The following OXER1 variants were observed in gnomAD, a reference collection of about 807,000 sequenced individuals.
OXER1 encodes oxoeicosanoid receptor 1.
For synonymous variants in OXER1, 258 were observed against 245.8 expected (o/e 1.05, Z -0.47); for missense variants, 587 against 551.7 (o/e 1.06, Z -0.64).
chr2:42,762,651 A>T (rs1670494891), exon 1 of OXER1: 1 of 504,958 alleles, frequency 2.0e-6, no homozygotes, highest in South Asian at 2.9e-5. Context: ...TGGTGTGCCA[A>T]CGGCACCTTG....
In OXER1 at chr2:42,763,234, T is replaced by C. The variant is rs17029947; in HGVS notation, c.946A>G (p.Met316Val). 42 of 1,611,434 alleles carry C rather than the reference T, an allele frequency of 2.6e-5. No homozygotes were observed. The highest frequency in any genetic ancestry group is 3.4e-5 in the Admixed American group (2 of 59,482). The change falls in exon 1 of 1, where the codon ATG (methionine) becomes GTG (valine). Residue 316 changes from methionine (M) to valine (V), a missense_variant. Met to Val is a conservative substitution (Grantham distance 21, BLOSUM62 1). Coordinates refer to ENST00000378661, the Ensembl canonical transcript of OXER1. The surrounding 1 kb of genome is among the most constrained non-coding windows in gnomAD (Gnocchi z 4.4). ...AGCCAGAAAGCCACCATGGAAGCCATGCCAAAGATGATGCTGGGCAAGAAG... is the reference window on the plus strand; with the variant it reads ...AGCCAGAAAGCCACCATGGAAGCCACGCCAAAGATGATGCTGGGCAAGAAG...
Position 42,762,630 on chromosome 2 carries a change from CCT to C in OXER1, c.*276_*277del, listed in dbSNP as rs1670494253. On this transcript the variant is annotated 3_prime_UTR_variant, in exon 1 of 1. Coordinates refer to ENST00000378661, the Ensembl canonical transcript of OXER1. ...TCTGTCCCCTGCAGCTGCGCAGGCC[CCT>C]GTCTGAGCTGGTGTGCCAACGGCAC... The C allele has an allele frequency of 8.2e-5, 39 of 472,794 alleles. No homozygotes were observed. In the South Asian group the frequency reaches 1.3e-3, roughly 15 times the overall value. The allele number at this position is 472,794 out of a possible 1,614,324, so 29.3% of individuals were successfully genotyped here. A position where few individuals can be genotyped will look rare whatever the true frequency, so the allele number is the denominator to read the frequency against.
chr2:42,763,966 A>G lies in OXER1; in HGVS notation c.214T>C (p.Phe72Leu). The G allele has an allele frequency of 6.2e-7, 1 of 1,613,792 alleles. No homozygotes were observed. The highest frequency in any genetic ancestry group is 8.5e-7 in the Non-Finnish European group (1 of 1,179,950). The change falls in exon 1 of 1, where the codon TTT becomes CTT. Residue 72 changes from phenylalanine (F) to leucine (L), a missense_variant. Coordinates refer to ENST00000378661, the Ensembl canonical transcript of OXER1. This position sits in a 1 kb window ranked among gnomAD's most constrained non-coding sequence, Gnocchi z 4.4. ...CCAGAGGACCCCCCCACAGTGGTAA[A>G]GGCAGAGGGAGCAGAGGAGGGTGAG...
rs554325300 is a variant in OXER1 at position 42,763,123 on chromosome 2, C to T, written c.1057G>A (p.Val353Met). 1.3e-4 allele frequency: 215 copies of T among 1,614,150 alleles called. 1 individual carries two copies. Among genetic ancestry groups the T allele is most frequent in the South Asian group, 9.2e-4 (84 of 91,084 alleles). Residue 353 changes from valine (V) to methionine (M), a missense_variant, in exon 1 of 1, where the codon GTG (valine) becomes ATG (methionine). By Grantham distance (21) the Val-to-Met change is conservative. Coordinates refer to ENST00000378661, the Ensembl canonical transcript of OXER1. This position sits in a 1 kb window ranked among gnomAD's most constrained non-coding sequence, Gnocchi z 4.4. Reference sequence around the variant, plus strand: ...TTGGGGCTAGAGAAGCAGTAGAGCACGGGGTCCAGGACACTGTTGAGGTAG... The same window carrying T: ...TTGGGGCTAGAGAAGCAGTAGAGCATGGGGTCCAGGACACTGTTGAGGTAG...
exon 1 of OXER1, chr2:42,764,123 C>A (rs1670570184): frequency 1.2e-6 from 2 of 1,613,912 alleles, no homozygotes; most frequent in Non-Finnish European, 1.7e-6. Flanking sequence ...TGCAGGAGTG[C>A]TCAGGGCAAA....
At chr2:42,764,003 G>A (rs1282482895) in exon 1 of OXER1, 1 of 1,613,728 alleles carries the variant, frequency 6.2e-7, no homozygotes, top group Non-Finnish European at 8.5e-7. Flanking sequence ...GAGAGAAGGA[G>A]GGAGGGAGAA....
chr2:42,762,888 T>G, exon 1 of OXER1: 1 of 1,599,938 alleles, frequency 6.3e-7, no homozygotes, highest in Non-Finnish European at 8.5e-7. Flanking sequence ...CCCACAGCGC[T>G]GCAGCCCTGC....
chr2:42,763,017 G>T lies in OXER1; in HGVS notation c.1163C>A (p.Pro388His). 6.2e-7 allele frequency: 1 copy of T among 1,614,084 alleles called. No individual in the cohort carries two copies. Among genetic ancestry groups the T allele is most frequent in the South Asian group, 1.1e-5 (1 of 91,088 alleles). ...CTCCCGGTAGCGCCACTGCCTGGAG[G>T]GTTGGTAGGAGCTCTCGTCGCTCAC... Residue 388 changes from proline (P) to histidine (H), a missense_variant, in exon 1 of 1, where the codon CCC becomes CAC. By Grantham distance (77) the Pro-to-His change is moderately conservative (BLOSUM62 -2). Coordinates refer to ENST00000378661, the Ensembl canonical transcript of OXER1. The surrounding 1 kb of genome is among the most constrained non-coding windows in gnomAD (Gnocchi z 4.4).
At position 42,763,849 on chromosome 2, in the gene OXER1, T is replaced by G; in HGVS notation, c.331A>C (p.Ser111Arg). 1.2e-6 allele frequency: 2 copies of G among 1,613,874 alleles called. No homozygotes were observed. The highest frequency in any genetic ancestry group is 1.7e-6 in the Non-Finnish European group (2 of 1,180,006). ...ATGCAGAAGATGAAGAGGGCCAAAC[T>G]GTTCCCCACCAGGCCCAGGACAAAC... The change falls in exon 1 of 1, where the codon AGT (serine) becomes CGT (arginine). Residue 111 changes from serine to arginine, a missense_variant. By Grantham distance (110) the Ser-to-Arg change is moderately radical. Coordinates refer to ENST00000378661, the Ensembl canonical transcript of OXER1. This position sits in a 1 kb window ranked among gnomAD's most constrained non-coding sequence, Gnocchi z 4.4.
Position 42,764,097 on chromosome 2 carries a change from T to C in OXER1, c.83A>G (p.Gln28Arg). ...GGGCCATGGGCCTGAGAGAAGGTTC[T>C]GGAGTCTTCTACCCCTGCAGGAGTG... Residue 28 changes from glutamine (Q) to arginine (R), a missense_variant, in exon 1 of 1, where the codon CAG (glutamine) becomes CGG (arginine). Coordinates refer to ENST00000378661, the Ensembl canonical transcript of OXER1. 1 of 1,614,088 alleles carries C rather than the reference T, an allele frequency of 6.2e-7. No individual in the cohort carries two copies. The highest frequency in any genetic ancestry group is 2.2e-5 in the East Asian group (1 of 44,884).
exon 1 of OXER1, chr2:42,762,785 C>T (rs996735948): frequency 2.5e-6 from 3 of 1,191,160 alleles, no homozygotes; most frequent in African/African-American, 3.1e-5. Flanking sequence ...GTGCTTTGGC[C>T]TGGCCCCTGG....
chr2:42,762,983 C>T (rs142162926), exon 1 of OXER1: 80 of 1,613,822 alleles, frequency 5.0e-5, no homozygotes, highest in Non-Finnish European at 6.7e-5. Context: ...CCTCCGCCTT[C>T]CTAGAGGCCT....
chr2:42,763,230 G>A lies in OXER1; in HGVS notation c.950C>T (p.Ala317Val). ...GGACAGCCAGAAAGCCACCATGGAA[G>A]CCATGCCAAAGATGATGCTGGGCAA... The change falls in exon 1 of 1, where the codon GCT becomes GTT. Residue 317 changes from alanine to valine, a missense_variant. Coordinates refer to ENST00000378661, the Ensembl canonical transcript of OXER1. This position sits in a 1 kb window ranked among gnomAD's most constrained non-coding sequence, Gnocchi z 4.4. 1 of 1,611,168 alleles carries A rather than the reference G, an allele frequency of 6.2e-7. No individual in the cohort carries two copies.
chr2:42,763,500 AG>A, the OXER1 span: 1 of 1,555,262 alleles, frequency 6.4e-7, no homozygotes, highest in Non-Finnish European at 8.7e-7. The surrounding 1 kb of genome is among the most constrained non-coding windows in gnomAD (Gnocchi z 4.4). Context: ...GCTCAGGAGC[AG>A]GTGCCCGTTG....
the OXER1 span, chr2:42,763,198 G>A: frequency 4.7e-5 from 75 of 1,611,578 alleles, no homozygotes; most frequent in African/African-American, 2.9e-4. The surrounding 1 kb of genome is among the most constrained non-coding windows in gnomAD (Gnocchi z 4.4). Context: ...TCCAGGGATC[G>A]GCAGGCGGAC....
chr2:42,763,827 CAG>C, the OXER1 span: 1 of 1,613,758 alleles, frequency 6.2e-7, no homozygotes, highest in East Asian at 2.2e-5. This position sits in a 1 kb window ranked among gnomAD's most constrained non-coding sequence, Gnocchi z 4.4. Context: ...CGTGTGGATG[CAG>C]AAGATGAAGA....
At position 42,763,515 on chromosome 2, in the gene OXER1, A is replaced by G; in HGVS notation, c.665T>C (p.Leu222Pro). The change falls in exon 1 of 1, where the codon CTC becomes CCC. Residue 222 changes from leucine to proline, a missense_variant. Physicochemically the swap from Leu to Pro is moderately conservative, Grantham distance 98. Coordinates refer to ENST00000378661, the Ensembl canonical transcript of OXER1. The surrounding 1 kb of genome is among the most constrained non-coding windows in gnomAD (Gnocchi z 4.4). The stretch of plus-strand genomic sequence containing the variant: ...GCTCAGGAGCAGGTGCCCGTTGAGG[A>G]GCAGGATGCCCACCCAGAGTCCCCC... 6.4e-7 allele frequency: 1 copy of G among 1,555,224 alleles called. No individual in the cohort carries two copies. The highest frequency in any genetic ancestry group is 8.7e-7 in the Non-Finnish European group (1 of 1,149,716).
chr2:42,762,943 C>T lies in OXER1; in HGVS notation c.1237G>A (p.Val413Ile), dbSNP rs1261050671. Residue 413 changes from valine to isoleucine, a missense_variant, in exon 1 of 1, where the codon GTC (valine) becomes ATC (isoleucine). Val to Ile is a conservative substitution (Grantham distance 29). Transcript: ENST00000378661. ...GAGGAGCCTTCCTTTTCCAGAGAGACCTCGCCCTGCACTTTCAGCTTCCCT... is the reference window on the plus strand; with the variant it reads ...GAGGAGCCTTCCTTTTCCAGAGAGATCTCGCCCTGCACTTTCAGCTTCCCT... 5.6e-6 allele frequency: 9 copies of T among 1,613,524 alleles called. No individual in the cohort carries two copies. The highest frequency in any genetic ancestry group is 1.7e-5 in the Admixed American group (1 of 60,006).
rs145238995 is a variant in OXER1, at chr2:42,762,773, C to A, written c.*135G>T. ...TCCCTGCCACCCACCTGAGTCCTGC[C>A]AGTGCTTTGGCCTGGCCCCTGGTCT... On this transcript the variant is annotated 3_prime_UTR_variant, in exon 1 of 1. Coordinates refer to ENST00000378661, the Ensembl canonical transcript of OXER1. 8.6e-4 allele frequency: 886 copies of A among 1,024,748 alleles called. 5 individuals carry two copies. In the African/African-American group the frequency reaches 0.011, roughly 13 times the overall value. The allele number at this position is 1,024,748 out of a possible 1,614,324, so 63.5% of individuals were successfully genotyped here. A position where few individuals can be genotyped will look rare whatever the true frequency, so the allele number is the denominator to read the frequency against.
Sources: allele counts gnomAD v4.1 joint callset, GRCh38; gene constraint gnomAD v4.1.1; non-coding constraint Gnocchi (gnomAD v3.1); transcripts MANE v1.5; gene names NCBI Gene and HGNC (gene_info 2026-07-23, HGNC 2026-07-21).